The following STAC variants were observed in gnomAD, a reference collection of about 807,000 sequenced individuals.
STAC encodes SH3 and cysteine rich domain.
Under a neutral mutation model 48.8 loss-of-function variants are expected in STAC, and 43 were observed. The ratio of observed to expected loss-of-function variants is 0.88; its 90% CI spans 0.69 to 1.14. The LOEUF (loss-of-function observed/expected upper bound fraction) is 1.14. STAC is among the 50% of genes most tolerant of loss of function. The pLI, the probability that STAC is intolerant of heterozygous loss-of-function variation, is 0.00. For synonymous variants in STAC, 193 were observed against 179.5 expected (o/e 1.07, Z -0.60); for missense variants, 497 against 504.0 (o/e 0.99, Z 0.13).
At chr3:36,454,643 C>G (rs1361913271) in intron 2 of STAC, among the ~76,000 whole-genome samples, 2 of 152,096 alleles carry the variant, frequency 1.3e-5, no homozygotes, top group Admixed American at 1.3e-4. Context: ...GAGAAAGGGA[C>G]CAAGTGGCAA....
intron 1 of STAC, among the ~76,000 whole-genome samples, chr3:36,381,459 A>C (rs1311200105): frequency 1.3e-5 from 2 of 152,248 alleles, no homozygotes; most frequent in Admixed American, 1.3e-4. Context: ...ATAGAGTAAA[A>C]TGTGGCTGCT....
At chr3:36,428,990 G>A (rs116835742) in intron 1 of STAC, among the ~76,000 whole-genome samples, 3,059 of 152,202 alleles carry the variant, frequency 0.02, 62 homozygotes, top group Non-Finnish European at 0.028. Flanking sequence ...TGAGGATGGC[G>A]GTTGTACAGG....
At chr3:36,456,065 G>A (rs1287006049) in intron 2 of STAC, among the ~76,000 whole-genome samples, 51 of 72,270 alleles carry the variant, frequency 7.1e-4, no homozygotes, top group African/African-American at 2.6e-3. Context: ...ACACACACGT[G>A]CGCACACACA....
At chr3:36,491,064 A>G (rs1697954130) in intron 5 of STAC, among the ~76,000 whole-genome samples, 1 of 152,208 alleles carries the variant, frequency 6.6e-6, no homozygotes, top group African/African-American at 2.4e-5. Flanking sequence ...ACCATCCTCA[A>G]AGGAAGAAAA....
intron 8 of STAC, among the ~76,000 whole-genome samples, chr3:36,507,603 T>C (rs558046282): frequency 3.9e-4 from 59 of 152,336 alleles, no homozygotes; most frequent in African/African-American, 1.4e-3. Flanking sequence ...GAACTTGTTA[T>C]TGGTCTATTC....
chr3:36,488,696 A>G (rs926007357), intron 5 of STAC, among the ~76,000 whole-genome samples: 3 of 152,204 alleles, frequency 2.0e-5, no homozygotes, highest in African/African-American at 7.2e-5. Flanking sequence ...ACTGAGAAAT[A>G]ATATCAAAGA....
Position 36,506,690 on chromosome 3 carries a change from AT to A in STAC, c.920+858del, listed in dbSNP as rs370961132. Among the ~76,000 whole-genome samples the A allele has an allele frequency of 6.8e-3, 1,030 of 152,192 alleles. 10 individuals are homozygous for A. The highest frequency in any genetic ancestry group is 0.024 in the African/African-American group (981 of 41,508). On this transcript the variant is annotated intron_variant, in intron 8 of 10. Coordinates refer to ENST00000273183, the MANE Select transcript of STAC (RefSeq NM_003149.3). ...TAGGTATTTTATTCTCTTTGTAGCAATTGTGAATGGGAGTTTATTCATGATT... is the reference window on the plus strand; with the variant it reads ...TAGGTATTTTATTCTCTTTGTAGCAATGTGAATGGGAGTTTATTCATGATT...
intron 1 of STAC, among the ~76,000 whole-genome samples, chr3:36,429,435 C>T (rs73063804): frequency 0.018 from 2,751 of 152,270 alleles, 50 homozygotes; most frequent in Non-Finnish European, 0.025. Context: ...CCCATCTAGG[C>T]CTTGTCCACT....
At chr3:36,468,752 G>A (rs999708971) in intron 2 of STAC, among the ~76,000 whole-genome samples, 13 of 111,550 alleles carry the variant, frequency 1.2e-4, no homozygotes, top group Admixed American at 6.9e-4. Context: ...ATACATATAT[G>A]TGTGTGTGTG....
At chr3:36,456,898 T>C (rs1294950086) in intron 2 of STAC, among the ~76,000 whole-genome samples, 1 of 152,214 alleles carries the variant, frequency 6.6e-6, no homozygotes, top group African/African-American at 2.4e-5. Flanking sequence ...AAGAACTTCC[T>C]AAATTATGTT....
chr3:36,446,653 A>G (rs750394129), intron 2 of STAC, among the ~76,000 whole-genome samples: 6 of 152,268 alleles, frequency 3.9e-5, no homozygotes, highest in South Asian at 2.1e-4. Context: ...GTCAACATGT[A>G]CTATTAATAT....
intron 6 of STAC, 92 bp from the exon 7 acceptor site, chr3:36,504,301 G>T: frequency 1.7e-6 from 2 of 1,184,010 alleles, no homozygotes; most frequent in South Asian, 2.7e-5. Context: ...TAGAAGCTAT[G>T]GTACTTAGAA....
intron 2 of STAC, among the ~76,000 whole-genome samples, chr3:36,450,557 G>A (rs6768186): frequency 0.63 from 95,171 of 152,040 alleles, 29,993 homozygotes; most frequent in Non-Finnish European, 0.66. Flanking sequence ...CCAGAGTCTC[G>A]CTCTGTCACC....
intron 10 of STAC, among the ~76,000 whole-genome samples, chr3:36,545,683 T>C (rs973502378): frequency 6.6e-6 from 1 of 152,216 alleles, no homozygotes; most frequent in East Asian, 1.9e-4. Context: ...CTTTAGAATA[T>C]GGGAAATGTT....
rs549661725 is a variant in STAC at position 36,528,466 on chromosome 3, TA to T, written c.921-214del. 8.2e-3 allele frequency among the ~76,000 whole-genome samples: 1,115 copies of T among 136,306 alleles called. 3 individuals are homozygous for T. The highest frequency in any genetic ancestry group is 0.03 in the Middle Eastern group (8 of 264). 89.4% of individuals were successfully genotyped at this position (136,306 alleles called of 152,430 possible). On this transcript the variant is annotated intron_variant, in intron 8 of 10. Transcript: ENST00000273183. Reference sequence around the variant, plus strand: ...CCTGGCGACAGAGCGAGACTCTGTTTAAAAAAAAAAAAAAAAGAGTTATTTT... The same window carrying T: ...CCTGGCGACAGAGCGAGACTCTGTTTAAAAAAAAAAAAAAAGAGTTATTTT...
chr3:36,466,657 T>G (rs1204778227), intron 2 of STAC, among the ~76,000 whole-genome samples: 3 of 152,156 alleles, frequency 2.0e-5, no homozygotes, highest in Non-Finnish European at 4.4e-5. Context: ...TGGTCACTGT[T>G]GGTATATAGC....
At chr3:36,463,883 G>A (rs1347180539) in intron 2 of STAC, among the ~76,000 whole-genome samples, 1 of 152,056 alleles carries the variant, frequency 6.6e-6, no homozygotes, top group Non-Finnish European at 1.5e-5. Flanking sequence ...ATTCCATGAT[G>A]TATATGTGCC....
intron 8 of STAC, among the ~76,000 whole-genome samples, chr3:36,520,267 G>T (rs1225766234): frequency 1.3e-5 from 2 of 152,150 alleles, no homozygotes; most frequent in African/African-American, 4.8e-5. Context: ...AGATTCCTGG[G>T]CTTCACCTAG....
At chr3:36,540,384 G>A (rs1300730351) in intron 10 of STAC, among the ~76,000 whole-genome samples, 2 of 152,138 alleles carry the variant, frequency 1.3e-5, no homozygotes, top group African/African-American at 2.4e-5. Context: ...CTTTGCAGAT[G>A]TGATGAAGGT....
Sources: allele counts gnomAD v4.1 joint callset (sites outside exome capture counted in the v4.1 genomes callset), GRCh38; gene constraint gnomAD v4.1.1; transcripts MANE v1.5; gene names NCBI Gene and HGNC (gene_info 2026-07-23, HGNC 2026-07-21).